Variants in TOR1AIP2 observed in about 807,000 individuals in gnomAD.
TOR1AIP2 encodes the protein torsin-1A-interacting protein 2.
A neutral mutation model predicts 32.6 loss-of-function variants in TOR1AIP2; 20 were observed. The ratio of observed to expected loss-of-function variants is 0.61; its 90% CI spans 0.43 to 0.89. The LOEUF (loss-of-function observed/expected upper bound fraction) is 0.89. TOR1AIP2 is among the 40% of genes least tolerant of loss of function. The probability of loss-of-function intolerance (pLI) is 0.00; values close to 1 mark genes in which losing one functional copy is unlikely to be tolerated. For missense variants in TOR1AIP2, 456 were observed against 553.8 expected (o/e 0.82, Z 1.77); for synonymous variants, 214 against 210.8 (o/e 1.02, Z -0.13).
At position 179,846,537 on chromosome 1, in the gene TOR1AIP2, G is replaced by A. The variant is rs1282353964; in HGVS notation, c.947C>T (p.Ala316Val). The A allele has an allele frequency of 3.7e-6, 6 of 1,614,182 alleles. No individual in the cohort carries two copies. Among genetic ancestry groups the A allele is most frequent in the Non-Finnish European group, 5.1e-6 (6 of 1,180,036 alleles). Residue 316 changes from alanine to valine, a missense_variant, in exon 7 of 7, where the codon GCA becomes GTA. Coordinates refer to ENST00000609928, the MANE Select transcript of TOR1AIP2 (RefSeq NM_001199260.2). The stretch of plus-strand genomic sequence containing the variant: ...TTTCTGGGAAGAGGTGTAGGCATCT[G>A]CAACATGGTGGCTCAGGCACTTCAG... ...ETLKCLSHHV[A>V]DAYTSSQKVS...
In TOR1AIP2 at chr1:179,844,916, A is replaced by C. The variant is rs1695842844; in HGVS notation, c.*1155T>G. ...TTGGTTATTAAAATCTGTTCTGCTGAAAGAGTCTACAAACTCTTACCCTAG... is the reference window on the plus strand; with the variant it reads ...TTGGTTATTAAAATCTGTTCTGCTGCAAGAGTCTACAAACTCTTACCCTAG... On this transcript the variant is annotated 3_prime_UTR_variant, in exon 7 of 7. Transcript: ENST00000609928. 6.6e-6 allele frequency: 1 copy of C among 152,228 alleles called. No homozygotes were observed. Among genetic ancestry groups the C allele is most frequent in the South Asian group, 2.1e-4 (1 of 4,836 alleles). The allele number at this position is 152,228 out of a possible 1,614,324, so 9.4% of individuals were successfully genotyped here. A position where few individuals can be genotyped will look rare whatever the true frequency, so the allele number is the denominator to read the frequency against.
intron 3 of TOR1AIP2, chr1:179,863,920 C>G: frequency 1.0e-6 from 1 of 985,362 alleles, no homozygotes; most frequent in Non-Finnish European, 1.2e-6. Flanking sequence ...GTTCAGCAGA[C>G]CTCCTTAGTT....
chr1:179,866,573 T>C (rs557950845), intron 2 of TOR1AIP2, among the ~76,000 whole-genome samples: 1 of 152,244 alleles, frequency 6.6e-6, no homozygotes, highest in East Asian at 1.9e-4. Flanking sequence ...GCCCGGCTAA[T>C]TTTGTATTTT....
chr1:179,859,513 T>C, intron 3 of TOR1AIP2: 6 of 985,456 alleles, frequency 6.1e-6, no homozygotes, highest in Non-Finnish European at 7.2e-6. Flanking sequence ...CTCCAGTACA[T>C]ATGACCTGAG....
intron 3 of TOR1AIP2, 83 bp from the exon 4 acceptor site, chr1:179,852,894 G>T: frequency 9.4e-7 from 1 of 1,065,664 alleles, no homozygotes; most frequent in Non-Finnish European, 1.2e-6. Context: ...TATTAAATAT[G>T]TGTAGCTTGA....
chr1:179,856,849 A>T (rs1422521446), intron 3 of TOR1AIP2, among the ~76,000 whole-genome samples: 1 of 152,200 alleles, frequency 6.6e-6, no homozygotes, highest in Non-Finnish European at 1.5e-5. Flanking sequence ...CCTGGCCTCA[A>T]GTGATCTGCC....
chr1:179,864,229 G>A, intron 3 of TOR1AIP2: 2 of 985,420 alleles, frequency 2.0e-6, no homozygotes, highest in East Asian at 1.1e-4. Flanking sequence ...GCCAAACAGG[G>A]CCAATGATGA....
At chr1:179,861,891 G>A in intron 3 of TOR1AIP2, 5 of 927,968 alleles carry the variant, frequency 5.4e-6, no homozygotes, top group Non-Finnish European at 6.4e-6. Flanking sequence ...AAGAGACAGT[G>A]GTCTGACTAT....
chr1:179,862,432 T>C (rs1278303891), intron 3 of TOR1AIP2: 1 of 985,182 alleles, frequency 1.0e-6, no homozygotes, highest in African/African-American at 1.7e-5. Flanking sequence ...CTAACTAGTC[T>C]TCAGTCAATT....
In TOR1AIP2 at chr1:179,846,655, C is replaced by G; in HGVS notation, c.829G>C (p.Gly277Arg). 1 of 1,614,128 alleles carries G rather than the reference C, an allele frequency of 6.2e-7. No homozygotes were observed. The highest frequency in any genetic ancestry group is 8.5e-7 in the Non-Finnish European group (1 of 1,180,002). The change falls in exon 7 of 7, where the codon GGA becomes CGA. Residue 277 changes from glycine (G) to arginine (R), a missense_variant. By Grantham distance (125) the Gly-to-Arg change is moderately radical. Transcript: ENST00000609928. ...PGQSSFLWQR[G>R]RKFLQKHLNA... ...AGGTGCTTCTGGAGAAACTTCCGTC[C>G]TCTCTGCCACAGGAAGGAACTCTGG... is the stretch of plus-strand genomic sequence containing the variant.
At chr1:179,870,207 T>C (rs541444879) in intron 2 of TOR1AIP2, among the ~76,000 whole-genome samples, 2 of 152,202 alleles carry the variant, frequency 1.3e-5, no homozygotes, top group East Asian at 1.9e-4. Flanking sequence ...CCATCCTGGC[T>C]AACACATGGT....
chr1:179,863,673 A>C, intron 3 of TOR1AIP2: 1 of 980,618 alleles, frequency 1.0e-6, no homozygotes, highest in Non-Finnish European at 1.2e-6. Context: ...TATTTTTTAA[A>C]AAGCAAAAAA....
intron 2 of TOR1AIP2, among the ~76,000 whole-genome samples, chr1:179,873,111 T>C (rs1697072735): frequency 1.3e-5 from 2 of 152,244 alleles, no homozygotes; most frequent in Admixed American, 1.3e-4. Context: ...CCTCAGTCTT[T>C]ACCTGTCATT....
chr1:179,862,492 T>C (rs1486929262), intron 3 of TOR1AIP2: 1 of 985,306 alleles, frequency 1.0e-6, no homozygotes, highest in Admixed American at 6.2e-5. Context: ...GAACCTCCAT[T>C]GTAAGAGACA....
chr1:179,864,731 G>A (rs1473543376), intron 3 of TOR1AIP2: 8 of 1,517,668 alleles, frequency 5.3e-6, no homozygotes, highest in Non-Finnish European at 7.0e-6. Context: ...TCTTCCTTGG[G>A]CTACCTACAC....
chr1:179,868,128 C>T (rs1300757317), intron 2 of TOR1AIP2: 1 of 152,230 alleles, frequency 6.6e-6, no homozygotes, highest in African/African-American at 2.4e-5. Context: ...GGACCAATCT[C>T]ATACCTATAT....
chr1:179,851,224 T>C lies in TOR1AIP2; in HGVS notation c.174A>G (p.Thr58=). 6.2e-7 allele frequency: 1 copy of C among 1,613,750 alleles called. No individual in the cohort carries two copies. Among genetic ancestry groups the C allele is most frequent in the Non-Finnish European group, 8.5e-7 (1 of 1,180,044 alleles). The change falls in exon 5 of 7, where the codon ACA becomes ACG. Residue 58 remains threonine (T), a synonymous_variant. Transcript: ENST00000609928. The stretch of plus-strand genomic sequence containing the variant: ...CTGTATCTGCACTTTCTGGACCTTC[T>C]GTCTCTACCTCTTGGTGGTCTTTGC... ...GLSKDHQEVE[T]EGPESADTGD...
chr1:179,868,061 C>T lies in TOR1AIP2; in HGVS notation c.-565-2207G>A, dbSNP rs186803398. Reference sequence around the variant, plus strand: ...TCCTGGCAAGATTCCTAACCCCTATCCCCACCCCAACACTCACAGCTTCAA... The same window carrying T: ...TCCTGGCAAGATTCCTAACCCCTATTCCCACCCCAACACTCACAGCTTCAA... On this transcript the variant is annotated intron_variant, in intron 2 of 6. Transcript: ENST00000609928. 4.7e-4 allele frequency: 71 copies of T among 152,370 alleles called. 1 individual carries two copies. Among genetic ancestry groups the T allele is most frequent in the African/African-American group, 1.7e-3 (70 of 41,544 alleles). The allele number at this position is 152,370 out of a possible 1,614,324, so 9.4% of individuals were successfully genotyped here.
intron 3 of TOR1AIP2, 54 bp from the exon 4 acceptor site, chr1:179,852,865 T>C: frequency 8.2e-7 from 1 of 1,226,356 alleles, no homozygotes; most frequent in South Asian, 2.4e-5. Context: ...AAGGGAGAAA[T>C]GCAAGTATCA....
Sources: allele counts gnomAD v4.1 joint callset (sites outside exome capture counted in the v4.1 genomes callset), GRCh38; gene constraint gnomAD v4.1.1; transcripts MANE v1.5; gene names NCBI Gene and HGNC (gene_info 2026-07-23, HGNC 2026-07-21).